The following MYO3B variants were observed in gnomAD, a reference collection of about 807,000 sequenced individuals.
The protein encoded by MYO3B is myosin-IIIb.
Under a neutral mutation model 174.6 loss-of-function variants are expected in MYO3B, and 156 were observed. That is an observed-to-expected ratio of 0.89 (90% CI 0.78 to 1.02). The LOEUF (loss-of-function observed/expected upper bound fraction) is 1.02, where lower values mean the gene tolerates loss of function less well. Ranked by LOEUF, MYO3B falls within the 50% of genes least tolerant of loss-of-function variation. MYO3B has a pLI of 0.00. For synonymous variants in MYO3B, 563 were observed against 569.1 expected, an observed-to-expected ratio of 0.99 and a Z score of 0.15; for missense variants, 1,632 against 1,639.4, an observed-to-expected ratio of 1.00 and a Z score of 0.08.
intron 7 of MYO3B, among the ~76,000 whole-genome samples, chr2:170,325,501 C>G (rs985970569): frequency 6.6e-6 from 1 of 152,206 alleles, no homozygotes; most frequent in Admixed American, 6.5e-5. Context: ...AGCCACTACG[C>G]CTGGCCTAAG....
At chr2:170,356,251 G>A (rs186035516) in intron 8 of MYO3B, among the ~76,000 whole-genome samples, 30 of 151,942 alleles carry the variant, frequency 2.0e-4, no homozygotes, top group Admixed American at 1.6e-3. Flanking sequence ...ATGAGCCACC[G>A]CGCCTGGCCA....
intron 32 of MYO3B, among the ~76,000 whole-genome samples, chr2:170,619,156 GGCGCC>G (rs1695669423): frequency 6.6e-6 from 1 of 152,162 alleles, no homozygotes; most frequent in Non-Finnish European, 1.5e-5. Flanking sequence ...CATATGGACA[GGCGCC>G]CCACCCCCAT....
At chr2:170,385,989 G>T (rs2094371387) in intron 12 of MYO3B, 200 bp from the exon 13 acceptor site, 2 of 466,608 alleles carry the variant, frequency 4.3e-6, no homozygotes, top group Admixed American at 3.7e-5. Context: ...AGATTAAACA[G>T]ATTATGGTAC....
At chr2:170,628,863 G>C (rs547013319) in intron 32 of MYO3B, among the ~76,000 whole-genome samples, 29 of 152,212 alleles carry the variant, frequency 1.9e-4, no homozygotes, top group Non-Finnish European at 2.8e-4. Flanking sequence ...TTTTTTAAAA[G>C]AATCTTCCCA....
chr2:170,401,420 GA>G lies in MYO3B; in HGVS notation c.1919-59del, dbSNP rs147181121. On this transcript the variant is annotated intron_variant, in intron 17 of 34. Coordinates refer to ENST00000408978, the MANE Select transcript of MYO3B (RefSeq NM_138995.5). ...ACATAGTAGATGTTGAATAAATGCT[GA>G]ACAGACTGACTGAATGAAGGTCTGG... is the stretch of plus-strand genomic sequence containing the variant. 4.0e-3 allele frequency: 5,942 copies of G among 1,492,342 alleles called. 230 individuals carry two copies. In the African/African-American group the frequency reaches 0.074, roughly 19 times the overall value. The allele number at this position is 1,492,342 out of a possible 1,614,324, so 92.4% of individuals were successfully genotyped here.
At chr2:170,591,336 A>G (rs1341814256) in intron 32 of MYO3B, among the ~76,000 whole-genome samples, 2 of 152,134 alleles carry the variant, frequency 1.3e-5, no homozygotes, top group Non-Finnish European at 2.9e-5. Context: ...AGGTTCATAG[A>G]CCCTCTAGTA....
intron 22 of MYO3B, among the ~76,000 whole-genome samples, chr2:170,428,833 C>T (rs1017223759): frequency 6.6e-6 from 1 of 152,182 alleles, no homozygotes; most frequent in African/African-American, 2.4e-5. Flanking sequence ...TCAAACTCCT[C>T]ATTTGACATA....
intron 7 of MYO3B, among the ~76,000 whole-genome samples, chr2:170,253,687 A>G (rs2093277264): frequency 6.6e-6 from 1 of 152,156 alleles, no homozygotes; most frequent in South Asian, 2.1e-4. Flanking sequence ...AAAACCAGGA[A>G]AGGAGTTTGA....
At position 170,448,547 on chromosome 2, in the gene MYO3B, G is replaced by T. The variant is rs933948252; in HGVS notation, c.2730+4501G>T. Among the ~76,000 whole-genome samples the T allele has an allele frequency of 2.6e-5, 4 of 152,124 alleles. No homozygotes were observed. In the East Asian group the frequency reaches 7.7e-4, roughly 29 times the overall value. ...TGCATGTACTCATAGGTGCCTGGTT[G>T]GGGTTTCAAGGCTTACATGACAAGG... On this transcript the variant is annotated intron_variant, in intron 23 of 34. Transcript: ENST00000408978.
At chr2:170,210,867 CT>C (rs1262530928) in intron 3 of MYO3B, among the ~76,000 whole-genome samples, 2 of 152,056 alleles carry the variant, frequency 1.3e-5, no homozygotes, top group African/African-American at 4.8e-5. Flanking sequence ...TTAATTAGAG[CT>C]TTTTTATAGA....
intron 12 of MYO3B, among the ~76,000 whole-genome samples, chr2:170,385,633 C>T (rs2094368443): frequency 6.6e-6 from 1 of 152,114 alleles, no homozygotes; most frequent in Non-Finnish European, 1.5e-5. Context: ...AGAAAAGCCT[C>T]TTAAGCATAT....
chr2:170,490,504 CT>C (rs1686400066), intron 25 of MYO3B, among the ~76,000 whole-genome samples: 1 of 151,650 alleles, frequency 6.6e-6, no homozygotes, highest in Admixed American at 6.6e-5. Context: ...GACAATTCTA[CT>C]TACGCCCTTC....
At chr2:170,598,532 G>A (rs1472733952) in intron 32 of MYO3B, among the ~76,000 whole-genome samples, 1 of 152,230 alleles carries the variant, frequency 6.6e-6, no homozygotes, top group Non-Finnish European at 1.5e-5. Flanking sequence ...GGCCCTTGGG[G>A]AATCCAGCTA....
intron 7 of MYO3B, among the ~76,000 whole-genome samples, chr2:170,309,689 T>C (rs2093724791): frequency 6.6e-6 from 1 of 151,786 alleles, no homozygotes; most frequent in African/African-American, 2.4e-5. Context: ...TATTGTTGAA[T>C]AAATGAATAA....
chr2:170,269,914 G>A (rs2105367424), intron 7 of MYO3B, among the ~76,000 whole-genome samples: 1 of 152,234 alleles, frequency 6.6e-6, no homozygotes, highest in East Asian at 1.9e-4. Flanking sequence ...TGAGGAGCAG[G>A]GCAGGAATAA....
intron 7 of MYO3B, among the ~76,000 whole-genome samples, chr2:170,298,065 G>A (rs1341900233): frequency 6.6e-6 from 1 of 152,166 alleles, no homozygotes; most frequent in Non-Finnish European, 1.5e-5. Flanking sequence ...TATATGTGGT[G>A]TAAATATATG....
At chr2:170,182,697 C>T (rs867582430) in intron 1 of MYO3B, among the ~76,000 whole-genome samples, 3 of 149,004 alleles carry the variant, frequency 2.0e-5, no homozygotes, top group Admixed American at 6.8e-5. Flanking sequence ...CTGCAACCTA[C>T]GCCTCCCAGG....
At chr2:170,489,701 G>A (rs1208584667) in intron 25 of MYO3B, among the ~76,000 whole-genome samples, 1 of 151,458 alleles carries the variant, frequency 6.6e-6, no homozygotes, top group Non-Finnish European at 1.5e-5. Flanking sequence ...GGGTAAGTGT[G>A]TGTGGTGTGT....
chr2:170,229,387 G>C (rs551869933), intron 6 of MYO3B, among the ~76,000 whole-genome samples: 38 of 152,304 alleles, frequency 2.5e-4, no homozygotes, highest in African/African-American at 8.7e-4. Flanking sequence ...CATTTTGCCT[G>C]TGTACTTGAG....
Sources: allele counts gnomAD v4.1 joint callset (sites outside exome capture counted in the v4.1 genomes callset), GRCh38; gene constraint gnomAD v4.1.1; transcripts MANE v1.5; gene names NCBI Gene and HGNC (gene_info 2026-07-23, HGNC 2026-07-21).